Variants in CPED1 observed in about 807,000 individuals in gnomAD.
The protein encoded by CPED1 is cadherin like and PC-esterase domain containing 1.
CPED1 carries 114 observed loss-of-function variants against 128.2 expected under a neutral mutation model. That is an observed-to-expected ratio of 0.89 (90% CI 0.76 to 1.04). The LOEUF (loss-of-function observed/expected upper bound fraction) is 1.04. Ranked by LOEUF, CPED1 falls within the 50% of genes least tolerant of loss-of-function variation. The probability of loss-of-function intolerance (pLI) is 0.00; values close to 1 mark genes in which losing one functional copy is unlikely to be tolerated. For missense variants in CPED1, 1,211 were observed against 1,207.1 expected (o/e 1.00, Z -0.05); for synonymous variants, 462 against 426.7 (o/e 1.08, Z -1.02).
intron 2 of CPED1, among the ~76,000 whole-genome samples, chr7:120,990,280 C>T (rs544188895): frequency 4.2e-4 from 64 of 152,242 alleles, no homozygotes; most frequent in African/African-American, 1.5e-3. Flanking sequence ...GTGCCCAGAC[C>T]ATTCCAGACT....
chr7:121,184,807 T>G (rs1288741428), intron 16 of CPED1, among the ~76,000 whole-genome samples: 1 of 152,152 alleles, frequency 6.6e-6, no homozygotes. Context: ...TTTTGCTCTT[T>G]AAAACAATTG....
At chr7:121,201,213 T>C (rs770930816) in intron 16 of CPED1, among the ~76,000 whole-genome samples, 14 of 151,970 alleles carry the variant, frequency 9.2e-5, no homozygotes, top group Non-Finnish European at 1.5e-4. Context: ...GACAAAGTTA[T>C]AGAAATAAAT....
At chr7:121,113,903 A>G (rs181738237) in intron 7 of CPED1, among the ~76,000 whole-genome samples, 16 of 151,922 alleles carry the variant, frequency 1.1e-4, no homozygotes, top group African/African-American at 3.9e-4. Context: ...ATCTCGGCTC[A>G]CTGCAACCTC....
rs1169407856 is a variant in CPED1, at chr7:121,142,052, ACT to A, written c.1969_1970del (p.Leu657AspfsTer9). 9 of 1,612,506 alleles carry A rather than the reference ACT, an allele frequency of 5.6e-6. No homozygotes were observed. The highest frequency in any genetic ancestry group is 1.6e-4 in the Middle Eastern group (1 of 6,074). ...GGATGAATCTCCAGCACACGGTGAG[ACT>A]CTGATCACGTACAAACTCACCATCT... ...VVDESPAHGE[T>X]LITYKLTIYR... On this transcript the variant is annotated frameshift_variant, in exon 16 of 23. Coordinates refer to ENST00000310396, the MANE Select transcript of CPED1 (RefSeq NM_024913.5). LOFTEE classifies it high-confidence loss of function.
intron 16 of CPED1, among the ~76,000 whole-genome samples, chr7:121,196,005 G>A (rs1037466827): frequency 1.9e-4 from 29 of 151,956 alleles, no homozygotes; most frequent in East Asian, 1.9e-4. Flanking sequence ...CTAGAAGGCC[G>A]GGGGGAGATG....
chr7:121,155,091 A>G (rs991437938), intron 16 of CPED1, among the ~76,000 whole-genome samples: 12 of 152,202 alleles, frequency 7.9e-5, no homozygotes. Flanking sequence ...AACCTGAAAA[A>G]GAAATCAAGG....
At chr7:121,211,882 G>A (rs1797652908) in intron 16 of CPED1, among the ~76,000 whole-genome samples, 1 of 152,010 alleles carries the variant, frequency 6.6e-6, no homozygotes, top group African/African-American at 2.4e-5. Flanking sequence ...CAGCATTCAA[G>A]TTCAGGAAAT....
In CPED1 at chr7:121,080,480, G is replaced by A. The variant is rs542192782; in HGVS notation, c.616+16167G>A. ...TCAAAATAATGAGAATTTTTTTGCAGAAGTGGTCAAACTTTTTATTTTGAA... is the reference window on the plus strand; with the variant it reads ...TCAAAATAATGAGAATTTTTTTGCAAAAGTGGTCAAACTTTTTATTTTGAA... On this transcript the variant is annotated intron_variant, in intron 5 of 22. Coordinates refer to ENST00000310396, the MANE Select transcript of CPED1 (RefSeq NM_024913.5). 3.9e-5 allele frequency among the ~76,000 whole-genome samples: 6 copies of A among 152,184 alleles called. No individual in the cohort carries two copies. In the East Asian group the frequency reaches 1.2e-3, roughly 29 times the overall value.
chr7:121,271,258 T>G (rs764238053), intron 21 of CPED1, 26 bp from the exon 22 acceptor site: 1 of 1,578,438 alleles, frequency 6.3e-7, no homozygotes, highest in Admixed American at 1.8e-5. Flanking sequence ...GTAATAAAAA[T>G]TCTCATTCTT....
chr7:121,006,164 T>G (rs904693558), intron 2 of CPED1, among the ~76,000 whole-genome samples: 3 of 152,184 alleles, frequency 2.0e-5, no homozygotes, highest in Admixed American at 2.0e-4. Context: ...ATTTTAAGGC[T>G]GAATTGCTGA....
chr7:120,997,225 T>C (rs575279038), intron 2 of CPED1, among the ~76,000 whole-genome samples: 2 of 152,382 alleles, frequency 1.3e-5, no homozygotes, highest in Non-Finnish European at 2.9e-5. Context: ...ATAAAACTTA[T>C]GTTTCATTGT....
chr7:120,994,443 A>T (rs533698934), intron 2 of CPED1, among the ~76,000 whole-genome samples: 1 of 152,356 alleles, frequency 6.6e-6, no homozygotes, highest in South Asian at 2.1e-4. Context: ...TGAGACAGAC[A>T]AGTAAATTAA....
chr7:121,206,623 A>T (rs574598061), intron 16 of CPED1, among the ~76,000 whole-genome samples: 1 of 152,004 alleles, frequency 6.6e-6, no homozygotes, highest in Non-Finnish European at 1.5e-5. Flanking sequence ...ATAAATATTT[A>T]CCAAGAAATG....
chr7:121,287,359 A>G (rs995555525), intron 22 of CPED1, among the ~76,000 whole-genome samples: 1 of 140,472 alleles, frequency 7.1e-6, no homozygotes, highest in South Asian at 2.5e-4. Flanking sequence ...AATTTTGGCA[A>G]TGACGCCAAG....
chr7:121,233,848 A>G (rs1798191074), intron 16 of CPED1, among the ~76,000 whole-genome samples: 1 of 152,032 alleles, frequency 6.6e-6, no homozygotes, highest in Non-Finnish European at 1.5e-5. Flanking sequence ...TTTTCATAGT[A>G]AAAAGTGTAG....
intron 4 of CPED1, chr7:121,050,821 C>G (rs912003503): frequency 2.2e-6 from 1 of 461,584 alleles, no homozygotes. Context: ...GCGGGAGGAG[C>G]GGCAGCGGCC....
intron 22 of CPED1, among the ~76,000 whole-genome samples, chr7:121,292,662 C>T (rs1792732842): frequency 6.6e-6 from 1 of 152,086 alleles, no homozygotes; most frequent in South Asian, 2.1e-4. Context: ...ATTTACCTAC[C>T]TTTGGTCTTT....
chr7:121,094,696 G>T (rs1794657179), intron 5 of CPED1, among the ~76,000 whole-genome samples: 1 of 152,122 alleles, frequency 6.6e-6, no homozygotes, highest in Non-Finnish European at 1.5e-5. Flanking sequence ...TTAATTGTTG[G>T]TAGACAAGAA....
At chr7:121,051,202 G>A in intron 4 of CPED1, 1 of 505,014 alleles carries the variant, frequency 2.0e-6, no homozygotes, top group Non-Finnish European at 4.0e-6. Context: ...AACCAAGTCT[G>A]ATTAATACAG....
Sources: gnomAD v4.1 joint callset for allele counts (sites outside exome capture counted in the v4.1 genomes callset) on GRCh38, gnomAD v4.1.1 for gene constraint, MANE v1.5 for transcripts, NCBI Gene and HGNC (gene_info 2026-07-23, HGNC 2026-07-21) for gene names.